TMEM135: variants seen among roughly 807,000 people sequenced by gnomAD.
TMEM135 encodes transmembrane protein 135.
Under a neutral mutation model 60.3 loss-of-function variants are expected in TMEM135, and 30 were observed. The ratio of observed to expected loss-of-function variants is 0.50; its 90% confidence interval spans 0.37 to 0.68. TMEM135 has a LOEUF of 0.68. Ranked by LOEUF, TMEM135 falls within the 30% of genes least tolerant of loss-of-function variation. The pLI, the probability that TMEM135 is intolerant of heterozygous loss-of-function variation, is 0.00. For missense variants in TMEM135, 468 were observed against 548.8 expected (o/e 0.85, Z 1.47); for synonymous variants, 190 against 186.7 (o/e 1.02, Z -0.14).
intron 5 of TMEM135, among the ~76,000 whole-genome samples, chr11:87,234,670 G>C (rs1158263422): frequency 3.3e-5 from 5 of 151,898 alleles, no homozygotes; most frequent in Non-Finnish European, 7.4e-5. Context: ...ATTATTCTCA[G>C]TTTATAGATA....
intron 5 of TMEM135, among the ~76,000 whole-genome samples, chr11:87,218,471 G>T (rs984741083): frequency 5.3e-5 from 8 of 152,098 alleles, no homozygotes; most frequent in Non-Finnish European, 1.2e-4. Flanking sequence ...ATCAGGCTTA[G>T]CTCCCTTGGG....
At chr11:87,224,312 T>C (rs1343473390) in intron 5 of TMEM135, among the ~76,000 whole-genome samples, 1 of 152,214 alleles carries the variant, frequency 6.6e-6, no homozygotes, top group Non-Finnish European at 1.5e-5. Flanking sequence ...CAAAACCTTG[T>C]AGTTTAGTGA....
rs147632333 is a variant in TMEM135, at chr11:87,296,689, T to C, written c.551+866T>C. On this transcript the variant is annotated intron_variant, in intron 7 of 14. Transcript: ENST00000305494. ...TGTGAAAAATATTTCAAACAGTGGC[T>C]GGCATGGAGTAAATACTCCAGAAAT... is the stretch of plus-strand genomic sequence containing the variant. Among the ~76,000 whole-genome samples, 241 of 152,294 alleles carry C rather than the reference T, an allele frequency of 1.6e-3. 1 individual carries two copies. The highest frequency in any genetic ancestry group is 2.7e-3 in the Non-Finnish European group (182 of 68,016).
intron 4 of TMEM135, among the ~76,000 whole-genome samples, chr11:87,155,289 A>G (rs1182285942): frequency 1.3e-5 from 2 of 152,202 alleles, no homozygotes; most frequent in Non-Finnish European, 1.5e-5. Context: ...GTGAGCCGCC[A>G]TGCCCAGACT....
chr11:87,115,222 T>C (rs906530848), intron 4 of TMEM135, among the ~76,000 whole-genome samples: 1 of 152,170 alleles, frequency 6.6e-6, no homozygotes, highest in African/African-American at 2.4e-5. Context: ...CATTATTTTG[T>C]TAAAAAACTA....
intron 6 of TMEM135, among the ~76,000 whole-genome samples, chr11:87,261,507 A>C (rs892293945): frequency 3.9e-5 from 6 of 152,218 alleles, no homozygotes; most frequent in African/African-American, 1.4e-4. Flanking sequence ...GTTTCATTTA[A>C]AAATTCAAAC....
intron 5 of TMEM135, among the ~76,000 whole-genome samples, chr11:87,175,751 G>A (rs773775208): frequency 1.8e-4 from 28 of 152,114 alleles, no homozygotes; most frequent in Non-Finnish European, 3.2e-4. Context: ...CTGTACCTCC[G>A]CTACACCAAC....
chr11:87,265,710 G>C (rs1941734679), intron 6 of TMEM135, among the ~76,000 whole-genome samples: 1 of 152,026 alleles, frequency 6.6e-6, no homozygotes, highest in African/African-American at 2.4e-5. Context: ...TAGGTGGCTT[G>C]TATAGGATGC....
At chr11:87,254,145 G>A (rs180734428) in intron 6 of TMEM135, among the ~76,000 whole-genome samples, 21 of 152,132 alleles carry the variant, frequency 1.4e-4, no homozygotes, top group African/African-American at 5.1e-4. Flanking sequence ...AAAATAATTT[G>A]AGTATTTTTT....
At chr11:87,172,561 A>G (rs1054736431) in intron 5 of TMEM135, among the ~76,000 whole-genome samples, 1 of 151,906 alleles carries the variant, frequency 6.6e-6, no homozygotes, top group Non-Finnish European at 1.5e-5. Flanking sequence ...TTTTAGACTG[A>G]TTGCTAGAGT....
intron 1 of TMEM135, among the ~76,000 whole-genome samples, chr11:87,056,966 G>A (rs1422373890): frequency 6.6e-6 from 1 of 152,176 alleles, no homozygotes; most frequent in Non-Finnish European, 1.5e-5. Context: ...GTATGCAGAA[G>A]ATGGCAGGGT....
intron 5 of TMEM135, among the ~76,000 whole-genome samples, chr11:87,159,617 A>ACCCCCC (rs1555112002): frequency 6.7e-6 from 1 of 149,342 alleles, no homozygotes; most frequent in South Asian, 2.1e-4. Context: ...ACACACACAC[A>ACCCCCC]CCATAGATTT....
intron 5 of TMEM135, among the ~76,000 whole-genome samples, chr11:87,235,800 G>C (rs1423606424): frequency 6.6e-6 from 1 of 151,714 alleles, no homozygotes; most frequent in Non-Finnish European, 1.5e-5. Context: ...TGGAGTTCTG[G>C]GTTCCTTCAA....
At chr11:87,212,546 G>A (rs942436255) in intron 5 of TMEM135, among the ~76,000 whole-genome samples, 7 of 152,198 alleles carry the variant, frequency 4.6e-5, no homozygotes, top group Admixed American at 1.3e-4. Flanking sequence ...TTCTGGCTGG[G>A]TGTAGTGGCT....
chr11:87,142,677 T>G (rs1329094763), intron 4 of TMEM135, among the ~76,000 whole-genome samples: 1 of 151,952 alleles, frequency 6.6e-6, no homozygotes, highest in Non-Finnish European at 1.5e-5. Context: ...TTCTTTTAGC[T>G]TCCAGATTTC....
At chr11:87,220,346 A>G (rs1940590926) in intron 5 of TMEM135, among the ~76,000 whole-genome samples, 1 of 152,216 alleles carries the variant, frequency 6.6e-6, no homozygotes, top group Non-Finnish European at 1.5e-5. Context: ...TATTTAACAC[A>G]CTAAAAAGAG....
At chr11:87,158,160 A>G (rs1938754626) in intron 5 of TMEM135, among the ~76,000 whole-genome samples, 1 of 152,162 alleles carries the variant, frequency 6.6e-6, no homozygotes, top group Non-Finnish European at 1.5e-5. Flanking sequence ...TCCTGGCCTC[A>G]AGCGATTATC....
At chr11:87,038,330 T>A in intron 1 of TMEM135, 144 bp downstream of exon 1, 8 of 256,402 alleles carry the variant, frequency 3.1e-5, no homozygotes, top group East Asian at 2.3e-4. Flanking sequence ...GGGGGGTCGG[T>A]AGGGGGAAGG....
intron 6 of TMEM135, among the ~76,000 whole-genome samples, chr11:87,285,628 G>C (rs191606431): frequency 6.6e-6 from 1 of 152,338 alleles, no homozygotes; most frequent in Non-Finnish European, 1.5e-5. Context: ...GACCTTTGCA[G>C]TAAGTGTCAC....
Sources: allele counts gnomAD v4.1 joint callset (sites outside exome capture counted in the v4.1 genomes callset), GRCh38; gene constraint gnomAD v4.1.1; transcripts MANE v1.5; gene names NCBI Gene and HGNC (gene_info 2026-07-23, HGNC 2026-07-21).